Variants in SULF1 observed in about 807,000 individuals in gnomAD.
SULF1 encodes sulfatase 1.
A neutral mutation model predicts 110.5 loss-of-function variants in SULF1; 46 were observed. The observed-to-expected ratio is 0.42, with a 90% CI of 0.33 to 0.53. SULF1 has a LOEUF of 0.53. Among genes scored for constraint, SULF1 ranks in the 20% least tolerant of loss-of-function variants. The probability of loss-of-function intolerance (pLI) is 0.12; values close to 1 mark genes in which losing one functional copy is unlikely to be tolerated. For missense variants in SULF1, 941 were observed against 1,094.2 expected (o/e 0.86, Z 1.98); for synonymous variants, 371 against 387.1 (o/e 0.96, Z 0.49).
intron 3 of SULF1, among the ~76,000 whole-genome samples, chr8:69,545,539 A>G (rs1814196605): frequency 6.6e-6 from 1 of 152,206 alleles, no homozygotes; most frequent in Non-Finnish European, 1.5e-5. Flanking sequence ...TTACTACATG[A>G]TGGAGCATTC....
chr8:69,556,286 G>T (rs1357349333), intron 3 of SULF1, among the ~76,000 whole-genome samples: 1 of 152,152 alleles, frequency 6.6e-6, no homozygotes, highest in Non-Finnish European at 1.5e-5. Context: ...GCCGTTGAGT[G>T]GGGCCACAAG....
intron 5 of SULF1, among the ~76,000 whole-genome samples, chr8:69,566,053 T>A (rs550924329): frequency 6.6e-6 from 1 of 152,072 alleles, no homozygotes; most frequent in South Asian, 2.1e-4. Context: ...GAACTTTCCT[T>A]TGCACCCCGA....
rs780383338 is a variant in SULF1 at position 69,502,175 on chromosome 8, C to T, written c.-134+207C>T. On this transcript the variant is annotated intron_variant, in intron 3 of 22. Transcript: ENST00000402687. ...CCTTCCACGTGGTAGAGCCATGTCA[C>T]GAAATCAGTCCTAAGAAATGTCAGA... 3.9e-5 allele frequency among the ~76,000 whole-genome samples: 6 copies of T among 152,082 alleles called. No homozygotes were observed. The East Asian group carries it at 5.8e-4, about 15-fold the overall frequency.
At chr8:69,476,157 G>T (rs1300439490) in intron 1 of SULF1, among the ~76,000 whole-genome samples, 5 of 152,158 alleles carry the variant, frequency 3.3e-5, no homozygotes, top group African/African-American at 1.2e-4. Flanking sequence ...GAGGCTGATT[G>T]ACATCCTTTC....
chr8:69,586,336 A>G, intron 6 of SULF1, 21 bp from the exon 7 acceptor site: 1 of 1,546,140 alleles, frequency 6.5e-7, no homozygotes, highest in Non-Finnish European at 8.7e-7. Flanking sequence ...TGAAAAAAAT[A>G]ATTCTTTTTT....
chr8:69,616,401 T>TTTTG (rs962220384), intron 13 of SULF1, among the ~76,000 whole-genome samples: 1 of 150,814 alleles, frequency 6.6e-6, no homozygotes, highest in African/African-American at 2.4e-5. Context: ...TTTCTTTGTT[T>TTTTG]TTTGTTTGTT....
chr8:69,534,474 A>T (rs1813305760), intron 3 of SULF1, among the ~76,000 whole-genome samples: 1 of 152,218 alleles, frequency 6.6e-6, no homozygotes, highest in Non-Finnish European at 1.5e-5. Flanking sequence ...ACTCTGAAGA[A>T]TTAGGCTACA....
At position 69,628,835 on chromosome 8, in the gene SULF1, A is replaced by G. The variant is rs187719890; in HGVS notation, c.2108+599A>G. ...AAGCCATCTGATTCAACTAACCTTT[A>G]ACTCGATGGCTGATTGGTACTCGGC... On this transcript the variant is annotated intron_variant, in intron 18 of 22. Transcript: ENST00000402687. 2.5e-4 allele frequency among the ~76,000 whole-genome samples: 38 copies of G among 152,332 alleles called. No individual in the cohort carries two copies. In the East Asian group the frequency reaches 6.6e-3, roughly 26 times the overall value.
chr8:69,584,823 C>T (rs768387581), intron 6 of SULF1, among the ~76,000 whole-genome samples: 4 of 152,126 alleles, frequency 2.6e-5, no homozygotes, highest in Non-Finnish European at 5.9e-5. Context: ...GGTCAGGGAC[C>T]ATCTGTAGTC....
Position 69,629,516 on chromosome 8 carries a change from G to A in SULF1, c.2121G>A (p.Gln707=). Residue 707 remains glutamine (Q), a synonymous_variant, in exon 19 of 23, where the codon CAG becomes CAA. Transcript: ENST00000402687. ...SHLHPFKEAA[Q]EVDSKLQLFK... ...TCTCTTGGAACAGGGAGGCTGCTCA[G>A]GAAGTAGATAGCAAACTGCAACTTT... 6.2e-7 allele frequency: 1 copy of A among 1,612,670 alleles called. No homozygotes were observed. Among genetic ancestry groups the A allele is most frequent in the Non-Finnish European group, 8.5e-7 (1 of 1,179,448 alleles).
intron 13 of SULF1, among the ~76,000 whole-genome samples, chr8:69,613,304 T>G (rs958883760): frequency 4.7e-5 from 7 of 148,778 alleles, no homozygotes; most frequent in African/African-American, 1.7e-4. Context: ...CAGATTTGGT[T>G]TTTTTTTTTT....
chr8:69,577,061 A>C (rs1805659297), intron 6 of SULF1, among the ~76,000 whole-genome samples: 1 of 152,226 alleles, frequency 6.6e-6, no homozygotes, highest in South Asian at 2.1e-4. Context: ...CCCTACGGGC[A>C]CTTAATACTT....
chr8:69,629,016 C>T (rs1385215877), intron 18 of SULF1, among the ~76,000 whole-genome samples: 2 of 152,122 alleles, frequency 1.3e-5, no homozygotes, highest in Non-Finnish European at 2.9e-5. Context: ...TCACTGAATG[C>T]ATTTGCATTC....
Position 69,659,469 on chromosome 8 carries a change from G to A in SULF1, c.*934G>A. 3 of 318,894 alleles carry A rather than the reference G, an allele frequency of 9.4e-6. 1 individual carries two copies. Among genetic ancestry groups the A allele is most frequent in the South Asian group, 8.1e-5 (3 of 36,860 alleles). The allele number at this position is 318,894 out of a possible 1,614,324, so 19.8% of individuals were successfully genotyped here. On this transcript the variant is annotated 3_prime_UTR_variant, in exon 23 of 23. Coordinates refer to ENST00000402687, the MANE Select transcript of SULF1 (RefSeq NM_001128205.2). ...GCTAGTGAGCATGTGAGCAAGCGGT[G>A]TGCACACGGAGACTCATCGTTATAA...
chr8:69,603,720 T>C, intron 12 of SULF1, 64 bp downstream of exon 12: 3 of 1,130,930 alleles, frequency 2.7e-6, no homozygotes, highest in Non-Finnish European at 4.0e-6. Context: ...CCCTGCTGAG[T>C]ATTTTTTTTC....
At chr8:69,551,352 G>C (rs552246500) in intron 3 of SULF1, among the ~76,000 whole-genome samples, 4 of 152,296 alleles carry the variant, frequency 2.6e-5, no homozygotes, top group African/African-American at 9.6e-5. Context: ...AAGAATTTGA[G>C]CAACCTTACT....
intron 14 of SULF1, 124 bp downstream of exon 14, chr8:69,621,375 A>T (rs1346333631): frequency 1.4e-5 from 9 of 628,878 alleles, no homozygotes; most frequent in Non-Finnish European, 2.4e-5. Flanking sequence ...TCAGGCTAAA[A>T]GCACATCATT....
intron 3 of SULF1, among the ~76,000 whole-genome samples, chr8:69,520,941 G>A (rs1812254677): frequency 1.3e-5 from 2 of 152,086 alleles, no homozygotes; most frequent in East Asian, 1.9e-4. Context: ...TTCTTATAAT[G>A]TCCCCAGAGT....
At chr8:69,649,312 T>A (rs531036239) in intron 22 of SULF1, among the ~76,000 whole-genome samples, 1 of 152,346 alleles carries the variant, frequency 6.6e-6, no homozygotes, top group Non-Finnish European at 1.5e-5. Flanking sequence ...CATTTGCAAG[T>A]AATTTGCAAA....
Sources: allele counts gnomAD v4.1 joint callset (sites outside exome capture counted in the v4.1 genomes callset), GRCh38; gene constraint gnomAD v4.1.1; transcripts MANE v1.5; gene names NCBI Gene and HGNC (gene_info 2026-07-23, HGNC 2026-07-21).